CHN2: variants seen among roughly 807,000 people sequenced by gnomAD.
The protein encoded by CHN2 is beta-chimaerin.
A neutral mutation model predicts 56.3 loss-of-function variants in CHN2; 35 were observed. The observed-to-expected ratio is 0.62, with a 90% CI of 0.47 to 0.82. CHN2 has a LOEUF of 0.82. CHN2 is among the 40% of genes least tolerant of loss of function. The probability of loss-of-function intolerance (pLI) is 0.00; values close to 1 mark genes in which losing one functional copy is unlikely to be tolerated. For synonymous variants in CHN2, 210 were observed against 212.8 expected (o/e 0.99, Z 0.12); for missense variants, 491 against 580.5 (o/e 0.85, Z 1.58).
chr7:29,331,005 G>A (rs1276550436), intron 1 of CHN2, among the ~76,000 whole-genome samples: 3 of 152,324 alleles, frequency 2.0e-5, no homozygotes, highest in South Asian at 4.1e-4. Context: ...ACGCTGCCAT[G>A]TGGAACAGAG....
chr7:29,181,956 C>G (rs1798110554), intron 2 of CHN2, among the ~76,000 whole-genome samples: 3 of 152,126 alleles, frequency 2.0e-5, no homozygotes, highest in Admixed American at 2.0e-4. Flanking sequence ...TCTAACATAT[C>G]TACAGTAAGC....
Position 29,194,805 on chromosome 7 carries a change from A to G in CHN2, c.-137A>G. On this transcript the variant is annotated 5_prime_UTR_variant, in exon 1 of 13. Coordinates refer to ENST00000222792, the MANE Select transcript of CHN2 (RefSeq NM_004067.4). ...AGCAGGAAGTGCAGGCAGAGTCCGG[A>G]GGCTGGTGCTTTCTGCGCGTCCCCA... 1 of 656,344 alleles carries G rather than the reference A, an allele frequency of 1.5e-6. No individual in the cohort carries two copies. Among genetic ancestry groups the G allele is most frequent in the South Asian group, 3.7e-5 (1 of 27,176 alleles). The allele number at this position is 656,344 out of a possible 1,614,324, so 40.7% of individuals were successfully genotyped here. A position where few individuals can be genotyped will look rare whatever the true frequency, so the allele number is the denominator to read the frequency against.
intron 1 of CHN2, among the ~76,000 whole-genome samples, chr7:29,287,041 T>G (rs2128865960): frequency 6.6e-6 from 1 of 152,306 alleles, no homozygotes; most frequent in African/African-American, 2.4e-5. Flanking sequence ...GACCCTTTTC[T>G]TCTCCTGTAT....
intron 1 of CHN2, among the ~76,000 whole-genome samples, chr7:29,237,269 A>G (rs1373593413): frequency 2.0e-5 from 3 of 152,180 alleles, no homozygotes; most frequent in Admixed American, 2.0e-4. Flanking sequence ...CTCAGTGGGA[A>G]AAGTTGGTGG....
At chr7:29,272,565 G>C (rs79974086) in intron 1 of CHN2, among the ~76,000 whole-genome samples, 2,619 of 152,246 alleles carry the variant, frequency 0.017, 78 homozygotes, top group African/African-American at 0.06. Flanking sequence ...GGCTGGAGGA[G>C]GAAGGAAGGC....
At chr7:29,392,573 G>A (rs1801450094) in intron 3 of CHN2, among the ~76,000 whole-genome samples, 1 of 152,148 alleles carries the variant, frequency 6.6e-6, no homozygotes, top group Non-Finnish European at 1.5e-5. Context: ...TACCAGCGAG[G>A]CTTGTCCTAG....
Position 29,504,727 on chromosome 7 carries a change from CT to C in CHN2, c.914-16del. 1 of 1,528,942 alleles carries C rather than the reference CT, an allele frequency of 6.5e-7. No homozygotes were observed. Among genetic ancestry groups the C allele is most frequent in the Non-Finnish European group, 9.0e-7 (1 of 1,114,578 alleles). 94.7% of individuals were successfully genotyped at this position (1,528,942 alleles called of 1,614,324 possible). A position where few individuals can be genotyped will look rare whatever the true frequency, so the allele number is the denominator to read the frequency against. On this transcript the variant is annotated splice_polypyrimidine_tract_variant and intron_variant, in intron 9 of 12. Coordinates refer to ENST00000222792, the MANE Select transcript of CHN2 (RefSeq NM_004067.4). The stretch of plus-strand genomic sequence containing the variant: ...TTTCAAGAAGCTAAAGTCAGTCTCT[CT>C]CTCTCTCTCTAACAGGATTAAAATC...
chr7:29,298,916 A>G (rs750919475), intron 1 of CHN2, among the ~76,000 whole-genome samples: 7 of 152,184 alleles, frequency 4.6e-5, no homozygotes, highest in Non-Finnish European at 1.0e-4. Flanking sequence ...TGCAAAATAG[A>G]CTTTAGTTTT....
At chr7:29,414,413 A>G (rs1026221814) in intron 6 of CHN2, among the ~76,000 whole-genome samples, 2 of 152,176 alleles carry the variant, frequency 1.3e-5, no homozygotes, top group Non-Finnish European at 2.9e-5. Context: ...TTGACCACAT[A>G]CCACGTGCTA....
intron 1 of CHN2, among the ~76,000 whole-genome samples, chr7:29,326,399 G>A (rs1345582692): frequency 2.6e-5 from 4 of 152,236 alleles, no homozygotes; most frequent in African/African-American, 9.6e-5. Flanking sequence ...CTTGTGATCC[G>A]CCTGCCTTGG....
chr7:29,341,381 C>T (rs1045234791), intron 1 of CHN2, among the ~76,000 whole-genome samples: 3 of 152,124 alleles, frequency 2.0e-5, no homozygotes, highest in African/African-American at 4.8e-5. Flanking sequence ...TTATATTAAC[C>T]GCACCAATTG....
chr7:29,384,673 T>C (rs964338158), intron 3 of CHN2, among the ~76,000 whole-genome samples: 1 of 152,188 alleles, frequency 6.6e-6, no homozygotes, highest in Admixed American at 6.5e-5. Context: ...AATATAAATA[T>C]AAATAATTTT....
intron 3 of CHN2, among the ~76,000 whole-genome samples, chr7:29,371,562 GC>G (rs1429950462): frequency 6.6e-6 from 1 of 152,120 alleles, no homozygotes; most frequent in Non-Finnish European, 1.5e-5. Flanking sequence ...CCAAATGTGT[GC>G]CTGGGTTGTC....
intron 2 of CHN2, among the ~76,000 whole-genome samples, chr7:29,164,484 A>G (rs375864587): frequency 2.6e-5 from 4 of 151,906 alleles, no homozygotes; most frequent in African/African-American, 9.7e-5. Flanking sequence ...TTTTTTGAAG[A>G]GCAAAAGTGT....
chr7:29,194,925 G>C lies in CHN2; in HGVS notation c.-17G>C. The C allele has an allele frequency of 6.4e-7, 1 of 1,556,352 alleles. No homozygotes were observed. ...GCACCGGGGCTGAGCGAGCAGCGAC[G>C]CGAGGGGCGCGCGGAGATGGCAGCG... On this transcript the variant is annotated 5_prime_UTR_variant, in exon 1 of 13. Coordinates refer to ENST00000222792, the MANE Select transcript of CHN2 (RefSeq NM_004067.4).
intron 1 of CHN2, among the ~76,000 whole-genome samples, chr7:29,244,622 C>T (rs552798254): frequency 3.9e-5 from 6 of 152,226 alleles, no homozygotes; most frequent in Non-Finnish European, 8.8e-5. Flanking sequence ...AAGTGGTGTA[C>T]GTGCGCGCCA....
At chr7:29,480,599 A>G (rs1787084093) in intron 7 of CHN2, among the ~76,000 whole-genome samples, 1 of 152,234 alleles carries the variant, frequency 6.6e-6, no homozygotes, top group Non-Finnish European at 1.5e-5. Flanking sequence ...GTTTTGGAGA[A>G]TTGGGCCCAT....
chr7:29,271,929 GGTTCTTTATAGATGAAATCCACACAGTA>G (rs2128848004), intron 1 of CHN2, among the ~76,000 whole-genome samples: 1 of 152,228 alleles, frequency 6.6e-6, no homozygotes, highest in Non-Finnish European at 1.5e-5. Context: ...GGGGCTCACT[GGTTCTTTATAGATGAAATCCACACAGTA>G]GTTCTTTATA....
At chr7:29,210,279 G>A (rs1784816892) in intron 1 of CHN2, among the ~76,000 whole-genome samples, 1 of 152,042 alleles carries the variant, frequency 6.6e-6, no homozygotes, top group African/African-American at 2.4e-5. Flanking sequence ...GGACTGTTGG[G>A]TGTCTGTACC....
Sources: allele counts gnomAD v4.1 joint callset (sites outside exome capture counted in the v4.1 genomes callset), GRCh38; gene constraint gnomAD v4.1.1; transcripts MANE v1.5; gene names NCBI Gene and HGNC (gene_info 2026-07-23, HGNC 2026-07-21).